THSD4: variants seen among roughly 807,000 people sequenced by gnomAD.
THSD4 encodes the protein thrombospondin type 1 domain containing 4.
In THSD4, 69 loss-of-function variants were observed where a neutral mutation model predicts 119.0. The observed-to-expected ratio is 0.58, with a 90% CI of 0.48 to 0.71. The LOEUF is 0.71. THSD4 is among the 30% of genes least tolerant of loss of function. The pLI is 0.00. For synonymous variants in THSD4, 524 were observed against 540.4 expected, an observed-to-expected ratio of 0.97 and a Z score of 0.42; for missense variants, 1,393 against 1,391.1, an observed-to-expected ratio of 1.00 and a Z score of -0.02.
intron 6 of THSD4, among the ~76,000 whole-genome samples, chr15:71,377,760 C>T (rs1276468842): frequency 6.6e-6 from 1 of 151,892 alleles, no homozygotes; most frequent in African/African-American, 2.4e-5. Flanking sequence ...TGCAGGTCAT[C>T]CTGGGCCTGA....
upstream of THSD4, among the ~76,000 whole-genome samples, chr15:71,114,291 C>T (rs2040333004): frequency 6.6e-6 from 1 of 151,990 alleles, no homozygotes; most frequent in Non-Finnish European, 1.5e-5. Flanking sequence ...CGCTCTGCAC[C>T]CAGCCCTGGT....
chr15:71,674,122 G>T (rs895618836), intron 8 of THSD4, among the ~76,000 whole-genome samples: 1 of 152,176 alleles, frequency 6.6e-6, no homozygotes, highest in Non-Finnish European at 1.5e-5. Context: ...TTCTCTAGGG[G>T]TATAAATGTG....
intron 7 of THSD4, among the ~76,000 whole-genome samples, chr15:71,521,532 C>T (rs2048441077): frequency 6.6e-6 from 1 of 152,168 alleles, no homozygotes; most frequent in Non-Finnish European, 1.5e-5. Context: ...TTTTTAATCA[C>T]TTGTCTATGT....
chr15:71,782,281 TGA>T lies in THSD4; in HGVS notation c.*4908_*4909del, dbSNP rs1413073120. The T allele has an allele frequency of 6.6e-6, 1 of 151,912 alleles. No individual in the cohort carries two copies. Among genetic ancestry groups the T allele is most frequent in the African/African-American group, 2.4e-5 (1 of 41,346 alleles). The allele number at this position is 151,912 out of a possible 1,614,324, so 9.4% of individuals were successfully genotyped here. ...GGGGGTGTCCATCGTGCTGAGGGTG[TGA>T]CCGCAAGAGGGTGAAAACTTCCAGC... On this transcript the variant is annotated 3_prime_UTR_variant, in exon 18 of 18. Transcript: ENST00000261862.
In THSD4 at chr15:71,768,560, A is replaced by ATTTT. The variant is rs964263863; in HGVS notation, c.2770-2483_2770-2480dup. On this transcript the variant is annotated intron_variant, in intron 16 of 17. Coordinates refer to ENST00000261862, the MANE Select transcript of THSD4 (RefSeq NM_024817.3). The stretch of plus-strand genomic sequence containing the variant: ...ACTTGCAGACCTGACGCAGATCCTG[A>ATTTT]TTTTTTTTTTTTTTTTTTTTTTTTG... 6.0e-3 allele frequency among the ~76,000 whole-genome samples: 595 copies of ATTTT among 99,196 alleles called. 10 individuals carry two copies. Among genetic ancestry groups the ATTTT allele is most frequent in the Non-Finnish European group, 8.2e-3 (423 of 51,732 alleles). The allele number at this position is 99,196 out of a possible 152,430, so 65.1% of individuals were successfully genotyped here.
intron 8 of THSD4, among the ~76,000 whole-genome samples, chr15:71,668,276 C>G (rs568887565): frequency 2.0e-5 from 3 of 152,132 alleles, no homozygotes; most frequent in African/African-American, 7.2e-5. Context: ...ACCACTAAGA[C>G]TGGAGTGGGG....
chr15:71,277,130 T>TCTTCTTC (rs2044601572), intron 6 of THSD4, among the ~76,000 whole-genome samples: 1 of 144,172 alleles, frequency 6.9e-6, no homozygotes, highest in South Asian at 2.2e-4. Context: ...TTCTTCTTCT[T>TCTTCTTC]TTTTTTTTTT....
intron 6 of THSD4, among the ~76,000 whole-genome samples, chr15:71,348,931 A>G (rs2045705511): frequency 6.6e-6 from 1 of 152,218 alleles, no homozygotes; most frequent in Non-Finnish European, 1.5e-5. Flanking sequence ...CATTTTTGTT[A>G]TGAAATCTAC....
At chr15:71,476,954 G>C (rs12595340) in intron 7 of THSD4, among the ~76,000 whole-genome samples, 117,724 of 152,178 alleles carry the variant, frequency 0.77, 45,696 homozygotes, top group Admixed American at 0.8. Context: ...GAGTGAACGC[G>C]CACTGGCATC....
At chr15:71,115,085 C>G (rs1247599046), upstream of THSD4, 1 of 152,558 alleles carries the variant, frequency 6.6e-6, no homozygotes, top group African/African-American at 2.4e-5. This position sits in a 1 kb window ranked among gnomAD's most constrained non-coding sequence, Gnocchi z 4.4. Flanking sequence ...GAAGGATGCC[C>G]GCGTCCGTCC....
intron 1 of THSD4, among the ~76,000 whole-genome samples, chr15:71,099,534 C>T (rs2040245317): frequency 6.6e-6 from 1 of 152,052 alleles, no homozygotes. Context: ...CCTCTTTATC[C>T]TTGGTAATTT....
Position 71,548,895 on chromosome 15 carries a change from G to A in THSD4, c.1153-111635G>A, listed in dbSNP as rs1250788384. On this transcript the variant is annotated intron_variant, in intron 7 of 17. Transcript: ENST00000261862. Reference sequence around the variant, plus strand: ...TATGGTCTGGGGAGACCCCCGAACTGAGCAAATCACAGTGCTCCAGCAGCC... The same window carrying A: ...TATGGTCTGGGGAGACCCCCGAACTAAGCAAATCACAGTGCTCCAGCAGCC... Among the ~76,000 whole-genome samples, 3 of 152,216 alleles carry A rather than the reference G, an allele frequency of 2.0e-5. No individual in the cohort carries two copies. The East Asian group carries it at 5.8e-4, about 29-fold the overall frequency.
At chr15:71,757,750 T>G in intron 14 of THSD4, 152 bp from the exon 15 acceptor site, 1 of 893,634 alleles carries the variant, frequency 1.1e-6, no homozygotes, top group Non-Finnish European at 1.7e-6. Context: ...TATCTCATAA[T>G]GGAGTAGGCT....
At chr15:71,530,732 G>T (rs1319069051) in intron 7 of THSD4, among the ~76,000 whole-genome samples, 1 of 152,104 alleles carries the variant, frequency 6.6e-6, no homozygotes, top group East Asian at 1.9e-4. Context: ...AGGGTCAGTG[G>T]AGTGTTTGCT....
At chr15:71,670,002 T>G (rs1351039225) in intron 8 of THSD4, among the ~76,000 whole-genome samples, 1 of 152,244 alleles carries the variant, frequency 6.6e-6, no homozygotes, top group Non-Finnish European at 1.5e-5. Context: ...CCTTGCAATT[T>G]CCTTGCAATG....
At chr15:71,608,116 G>A (rs927120795) in intron 7 of THSD4, among the ~76,000 whole-genome samples, 3 of 151,594 alleles carry the variant, frequency 2.0e-5, no homozygotes, top group African/African-American at 7.3e-5. Flanking sequence ...CCAGCTACTT[G>A]TGGGGCCGAG....
At chr15:71,246,131 A>G (rs1033796524) in intron 5 of THSD4, among the ~76,000 whole-genome samples, 5 of 152,164 alleles carry the variant, frequency 3.3e-5, no homozygotes, top group African/African-American at 1.2e-4. Flanking sequence ...AAGTCACTTA[A>G]CACCCTGAGG....
intron 6 of THSD4, among the ~76,000 whole-genome samples, chr15:71,277,856 A>T (rs181875327): frequency 6.6e-6 from 1 of 152,178 alleles, no homozygotes; most frequent in Non-Finnish European, 1.5e-5. Flanking sequence ...GCTGGGACTA[A>T]GATGGCACAT....
chr15:71,454,238 T>C (rs997867969), intron 7 of THSD4, among the ~76,000 whole-genome samples: 4 of 152,112 alleles, frequency 2.6e-5, no homozygotes, highest in African/African-American at 7.2e-5. Flanking sequence ...GCCTAGGTGA[T>C]AGAGTGAGAC....
Sources: allele counts gnomAD v4.1 joint callset (sites outside exome capture counted in the v4.1 genomes callset), GRCh38; gene constraint gnomAD v4.1.1; non-coding constraint Gnocchi (gnomAD v3.1); transcripts MANE v1.5; gene names NCBI Gene and HGNC (gene_info 2026-07-23, HGNC 2026-07-21).